Variants in CDH12 observed in about 807,000 individuals in gnomAD.
CDH12 encodes the protein cadherin-12.
Under a neutral mutation model 74.1 loss-of-function variants are expected in CDH12, and 41 were observed. That is an observed-to-expected ratio of 0.55 (90% CI 0.43 to 0.72). CDH12 has a LOEUF of 0.72. Ranked by LOEUF, CDH12 falls within the 30% of genes least tolerant of loss-of-function variation. The probability of loss-of-function intolerance (pLI) is 0.00; values close to 1 mark genes in which losing one functional copy is unlikely to be tolerated. For synonymous variants in CDH12, 399 were observed against 355.0 expected (o/e 1.12, Z -1.39); for missense variants, 945 against 977.2 (o/e 0.97, Z 0.44).
At chr5:22,642,083 C>G (rs1739181065) in intron 1 of CDH12, among the ~76,000 whole-genome samples, 1 of 152,108 alleles carries the variant, frequency 6.6e-6, no homozygotes, top group African/African-American at 2.4e-5. Flanking sequence ...CAATGTAGCA[C>G]TTAGGAATAT....
intron 6 of CDH12, among the ~76,000 whole-genome samples, chr5:21,902,752 A>G (rs1258633341): frequency 6.6e-6 from 1 of 152,128 alleles, no homozygotes; most frequent in African/African-American, 2.4e-5. Context: ...AATTTTGTTC[A>G]ATTTTTTTTA....
intron 1 of CDH12, among the ~76,000 whole-genome samples, chr5:22,818,511 A>G (rs11749157): frequency 0.087 from 13,191 of 152,208 alleles, 767 homozygotes; most frequent in Non-Finnish European, 0.13. Flanking sequence ...TTGTGTGCAA[A>G]TAGTCTGTTT....
intron 4 of CDH12, among the ~76,000 whole-genome samples, chr5:22,184,090 G>C (rs1408879472): frequency 7.3e-5 from 11 of 151,466 alleles, no homozygotes; most frequent in Admixed American, 7.2e-4. Flanking sequence ...TGTGGTTAAG[G>C]GTATGAATTT....
rs138528976 is a variant in CDH12 at position 22,094,042 on chromosome 5, A to G, written c.-186-15180T>C. On this transcript the variant is annotated intron_variant, in intron 4 of 14. Coordinates refer to ENST00000382254, the MANE Select transcript of CDH12 (RefSeq NM_004061.5). ...TTCACCATGACCACCTGGGCAGCAT[A>G]TAAATCCTCTAAAGTTTTATAGAAA... Among the ~76,000 whole-genome samples, 13 of 152,302 alleles carry G rather than the reference A, an allele frequency of 8.5e-5. No homozygotes were observed. The East Asian group carries it at 2.5e-3, about 29-fold the overall frequency.
At chr5:22,066,598 C>T (rs985200459) in intron 5 of CDH12, among the ~76,000 whole-genome samples, 1 of 152,142 alleles carries the variant, frequency 6.6e-6, no homozygotes, top group Non-Finnish European at 1.5e-5. Flanking sequence ...TTTGTATACT[C>T]AGCAGCTGGA....
At chr5:22,600,298 A>G (rs960995879) in intron 1 of CDH12, among the ~76,000 whole-genome samples, 4 of 152,136 alleles carry the variant, frequency 2.6e-5, no homozygotes, top group African/African-American at 7.2e-5. Flanking sequence ...ATCCCTGAAT[A>G]CTATTGTCCA....
At chr5:22,535,308 C>T (rs975297069) in intron 1 of CDH12, among the ~76,000 whole-genome samples, 13 of 151,900 alleles carry the variant, frequency 8.6e-5, no homozygotes, top group Admixed American at 3.3e-4. Context: ...GCGCCCGCTA[C>T]CACGCCCGGC....
chr5:22,416,355 G>A (rs1024037203), intron 2 of CDH12, among the ~76,000 whole-genome samples: 1 of 152,002 alleles, frequency 6.6e-6, no homozygotes, highest in Non-Finnish European at 1.5e-5. Flanking sequence ...GATTACAAGC[G>A]TGAGCCACCG....
intron 5 of CDH12, among the ~76,000 whole-genome samples, chr5:22,035,750 A>ACT (rs1739139134): frequency 6.9e-6 from 1 of 145,008 alleles, no homozygotes; most frequent in Non-Finnish European, 1.5e-5. Context: ...ACACACACAC[A>ACT]CTCCCCAGAG....
At chr5:22,033,431 A>G (rs1160843195) in intron 5 of CDH12, among the ~76,000 whole-genome samples, 2 of 152,236 alleles carry the variant, frequency 1.3e-5, no homozygotes, top group African/African-American at 2.4e-5. Flanking sequence ...ATGTTGCAGA[A>G]TAGTGTTATT....
At chr5:22,674,698 T>C (rs996372692) in intron 1 of CDH12, among the ~76,000 whole-genome samples, 5 of 152,108 alleles carry the variant, frequency 3.3e-5, no homozygotes, top group African/African-American at 1.2e-4. Flanking sequence ...GATAACGATA[T>C]GGACAAAGAG....
intron 1 of CDH12, among the ~76,000 whole-genome samples, chr5:22,571,900 A>G (rs1376515873): frequency 6.6e-6 from 1 of 152,204 alleles, no homozygotes; most frequent in Non-Finnish European, 1.5e-5. Context: ...AAATCACTGA[A>G]CAGATATCAC....
At chr5:22,035,713 T>TACACACACACAC (rs149918147) in intron 5 of CDH12, among the ~76,000 whole-genome samples, 4 of 143,252 alleles carry the variant, frequency 2.8e-5, no homozygotes, top group African/African-American at 1.0e-4. Context: ...ACTTCACACA[T>TACACACACACAC]ACACACACAC....
In CDH12 at chr5:21,914,578, T is replaced by C. The variant is rs372480062; in HGVS notation, c.527-59788A>G. ...CTCATGTGATTATGACACTGGCAAG[T>C]CTGAAATCTATAGGGTAAGCCAGGA... On this transcript the variant is annotated intron_variant, in intron 6 of 14. Transcript: ENST00000382254. Among the ~76,000 whole-genome samples, 6 of 152,224 alleles carry C rather than the reference T, an allele frequency of 3.9e-5. No individual in the cohort carries two copies. In the East Asian group the frequency reaches 1.2e-3, roughly 29 times the overall value.
At chr5:21,765,692 A>G (rs759775232) in intron 11 of CDH12, among the ~76,000 whole-genome samples, 1 of 152,140 alleles carries the variant, frequency 6.6e-6, no homozygotes, top group East Asian at 1.9e-4. Context: ...ATAAACTTCT[A>G]TGCAATAACT....
At chr5:21,877,563 A>G (rs1752005132) in intron 6 of CDH12, among the ~76,000 whole-genome samples, 1 of 152,232 alleles carries the variant, frequency 6.6e-6, no homozygotes, top group South Asian at 2.1e-4. Flanking sequence ...AGAAGTTTTC[A>G]ATCAAGCCTT....
intron 3 of CDH12, among the ~76,000 whole-genome samples, chr5:22,374,234 G>T (rs1159959020): frequency 6.6e-6 from 1 of 151,460 alleles, no homozygotes; most frequent in African/African-American, 2.4e-5. Flanking sequence ...AATAGATCTA[G>T]AAAAAAATGG....
intron 1 of CDH12, among the ~76,000 whole-genome samples, chr5:22,737,749 C>T (rs2127012947): frequency 6.6e-6 from 1 of 151,970 alleles, no homozygotes; most frequent in Middle Eastern, 3.4e-3. Flanking sequence ...TTAAATTTGC[C>T]TAGAACTTTT....
chr5:22,414,014 T>A (rs1462613002), intron 2 of CDH12, among the ~76,000 whole-genome samples: 1 of 152,006 alleles, frequency 6.6e-6, no homozygotes, highest in Non-Finnish European at 1.5e-5. Context: ...GTCCTCAAAT[T>A]CAAACAAAAT....
Sources: gnomAD v4.1 joint callset for allele counts (sites outside exome capture counted in the v4.1 genomes callset) on GRCh38, gnomAD v4.1.1 for gene constraint, MANE v1.5 for transcripts, NCBI Gene and HGNC (gene_info 2026-07-23, HGNC 2026-07-21) for gene names.